The following SLCO3A1 variants were observed in gnomAD, a reference collection of about 807,000 sequenced individuals.
SLCO3A1 encodes solute carrier organic anion transporter family member 3A1, also known as PGE1 transporter.
A neutral mutation model predicts 63.1 loss-of-function variants in SLCO3A1; 27 were observed. That is an observed-to-expected ratio of 0.43 (90% confidence interval 0.32 to 0.59). The LOEUF is 0.59. Ranked by LOEUF, SLCO3A1 falls within the 20% of genes least tolerant of loss-of-function variation. SLCO3A1 has a pLI of 0.09. For missense variants in SLCO3A1, 773 were observed against 945.8 expected (o/e 0.82, Z 2.40); for synonymous variants, 473 against 409.9 (o/e 1.15, Z -1.86).
chr15:92,084,853 T>C (rs74030469), intron 2 of SLCO3A1, among the ~76,000 whole-genome samples: 2,887 of 152,268 alleles, frequency 0.019, 90 homozygotes, highest in African/African-American at 0.066. Context: ...TGCACCACCA[T>C]AGCCAGCCAG....
At chr15:92,029,943 C>G (rs1231045710) in intron 2 of SLCO3A1, among the ~76,000 whole-genome samples, 3 of 152,126 alleles carry the variant, frequency 2.0e-5, no homozygotes, top group Non-Finnish European at 4.4e-5. Context: ...TACCTCGGAG[C>G]TGCTAAGAAT....
At chr15:91,984,127 G>A (rs1289590391) in intron 2 of SLCO3A1, among the ~76,000 whole-genome samples, 1 of 152,138 alleles carries the variant, frequency 6.6e-6, no homozygotes, top group East Asian at 1.9e-4. Context: ...TGAGGAGAGG[G>A]GTTTGTGCTT....
intron 1 of SLCO3A1, among the ~76,000 whole-genome samples, chr15:91,904,330 G>A (rs938473874): frequency 3.3e-5 from 5 of 152,196 alleles, no homozygotes; most frequent in South Asian, 2.1e-4. Context: ...CTGGGGGAGC[G>A]AGACCAAGTA....
At chr15:92,000,538 A>AG (rs11453639) in intron 2 of SLCO3A1, among the ~76,000 whole-genome samples, 57,849 of 151,870 alleles carry the variant, frequency 0.38, 11,291 homozygotes, top group African/African-American at 0.44. Context: ...TGTTGAATGC[A>AG]GAAAAAAAAG....
chr15:92,018,459 C>T (rs996263315), intron 2 of SLCO3A1, among the ~76,000 whole-genome samples: 1 of 152,200 alleles, frequency 6.6e-6, no homozygotes, highest in Non-Finnish European at 1.5e-5. Flanking sequence ...ACCCCACCAG[C>T]ATCTCTCATG....
chr15:92,043,878 C>A (rs1543167), intron 2 of SLCO3A1, among the ~76,000 whole-genome samples: 2 of 151,474 alleles, frequency 1.3e-5, no homozygotes, highest in Non-Finnish European at 2.9e-5. Flanking sequence ...GCACCTGTTC[C>A]TGCCTCCCTC....
intron 2 of SLCO3A1, among the ~76,000 whole-genome samples, chr15:92,025,685 C>G (rs1393799535): frequency 2.0e-5 from 3 of 152,330 alleles, no homozygotes; most frequent in South Asian, 2.1e-4. Context: ...CAACCATTCC[C>G]GTAGCTGTCT....
intron 2 of SLCO3A1, among the ~76,000 whole-genome samples, chr15:92,015,534 C>G (rs956412964): frequency 6.6e-6 from 1 of 152,098 alleles, no homozygotes; most frequent in African/African-American, 2.4e-5. Flanking sequence ...AGGTCTCTCC[C>G]TTGACACATG....
rs995939301 is a variant in SLCO3A1, at chr15:91,862,839, A to G, written c.180+8751A>G. 2.0e-5 allele frequency among the ~76,000 whole-genome samples: 3 copies of G among 152,214 alleles called. No homozygotes were observed. The highest frequency in any genetic ancestry group is 4.4e-5 in the Non-Finnish European group (3 of 68,026). On this transcript the variant is annotated intron_variant, in intron 1 of 9. Transcript: ENST00000318445. This position sits in a 1 kb window ranked among gnomAD's most constrained non-coding sequence, Gnocchi z 4.0. ...GAGAAGTGTCACAATGATGTTTTTCATTTAAAGACTACTGTAAAATATTAA... is the reference window on the plus strand; with the variant it reads ...GAGAAGTGTCACAATGATGTTTTTCGTTTAAAGACTACTGTAAAATATTAA...
At chr15:92,032,571 TG>T (rs1371578269) in intron 2 of SLCO3A1, among the ~76,000 whole-genome samples, 1 of 152,212 alleles carries the variant, frequency 6.6e-6, no homozygotes, top group Non-Finnish European at 1.5e-5. Flanking sequence ...CAGATTTTAC[TG>T]TGCATGTAAT....
intron 2 of SLCO3A1, among the ~76,000 whole-genome samples, chr15:91,974,072 C>T (rs537769288): frequency 6.6e-6 from 1 of 151,982 alleles, no homozygotes; most frequent in East Asian, 1.9e-4. Context: ...GAGAGAGTGT[C>T]CCTGGACCTA....
At chr15:91,945,072 A>C (rs534759772) in intron 2 of SLCO3A1, among the ~76,000 whole-genome samples, 3 of 152,280 alleles carry the variant, frequency 2.0e-5, no homozygotes, top group Non-Finnish European at 4.4e-5. Flanking sequence ...TTGGTTGGGC[A>C]TGGTGGCTCA....
Position 92,164,765 on chromosome 15 carries a change from G to C in SLCO3A1, c.*1630G>C, listed in dbSNP as rs1487174959. The C allele has an allele frequency of 1.0e-6, 1 of 985,408 alleles. No individual in the cohort carries two copies. The highest frequency in any genetic ancestry group is 1.2e-6 in the Non-Finnish European group (1 of 829,934). 61.0% of individuals were successfully genotyped at this position (985,408 alleles called of 1,614,324 possible). A position where few individuals can be genotyped will look rare whatever the true frequency, so the allele number is the denominator to read the frequency against. ...GAACCTCAGAGAATGAACCTGTTATGATTTGGGGTAAGAATCACGTTGGAA... is the reference window on the plus strand; with the variant it reads ...GAACCTCAGAGAATGAACCTGTTATCATTTGGGGTAAGAATCACGTTGGAA... On this transcript the variant is annotated 3_prime_UTR_variant, in exon 10 of 10. Coordinates refer to ENST00000318445, the MANE Select transcript of SLCO3A1 (RefSeq NM_013272.4).
chr15:92,080,905 T>C (rs1433325020), intron 2 of SLCO3A1, among the ~76,000 whole-genome samples: 1 of 151,226 alleles, frequency 6.6e-6, no homozygotes, highest in East Asian at 1.9e-4. Flanking sequence ...CGGGGGAAGG[T>C]AGGTATTTTT....
intron 3 of SLCO3A1, among the ~76,000 whole-genome samples, chr15:92,097,350 A>G (rs1429826973): frequency 6.6e-6 from 1 of 152,234 alleles, no homozygotes; most frequent in East Asian, 1.9e-4. Flanking sequence ...TCTTAGGAGA[A>G]TGAAACAGCA....
chr15:91,916,718 G>A lies in SLCO3A1; in HGVS notation c.646+260G>A, dbSNP rs1196764293. Reference sequence around the variant, plus strand: ...TAACACCGCTTCAGTGGGAAAACATGATCGGGAGGAGTTGTATGTTTATCT... The same window carrying A: ...TAACACCGCTTCAGTGGGAAAACATAATCGGGAGGAGTTGTATGTTTATCT... On this transcript the variant is annotated intron_variant, in intron 2 of 9. Coordinates refer to ENST00000318445, the MANE Select transcript of SLCO3A1 (RefSeq NM_013272.4). The surrounding 1 kb of genome is among the most constrained non-coding windows in gnomAD (Gnocchi z 6.2). Among the ~76,000 whole-genome samples, 1 of 152,232 alleles carries A rather than the reference G, an allele frequency of 6.6e-6. No individual in the cohort carries two copies. The highest frequency in any genetic ancestry group is 1.5e-5 in the Non-Finnish European group (1 of 68,042).
rs2048464319 is a variant in SLCO3A1 at position 92,163,355 on chromosome 15, G to C, written c.*220G>C. ...AATGACATCGTGCGGCAGGGTCCTG[G>C]AGGCCACTTGCGCGGCTGGGCCACA... On this transcript the variant is annotated 3_prime_UTR_variant, in exon 10 of 10. Transcript: ENST00000318445. The C allele has an allele frequency of 5.0e-6, 6 of 1,193,812 alleles. No homozygotes were observed. The allele number at this position is 1,193,812 out of a possible 1,614,324, so 74.0% of individuals were successfully genotyped here.
chr15:91,876,270 G>A (rs1275522884), intron 1 of SLCO3A1, among the ~76,000 whole-genome samples: 4 of 152,228 alleles, frequency 2.6e-5, no homozygotes, highest in African/African-American at 7.2e-5. Flanking sequence ...AGGACCAAAT[G>A]AGATAAAGTG....
intron 6 of SLCO3A1, among the ~76,000 whole-genome samples, chr15:92,127,192 G>A (rs573593557): frequency 2.2e-4 from 34 of 152,306 alleles, no homozygotes; most frequent in African/African-American, 7.9e-4. Context: ...GCCCCAGCCT[G>A]GCCCCGACTT....
Sources: allele counts gnomAD v4.1 joint callset (sites outside exome capture counted in the v4.1 genomes callset), GRCh38; gene constraint gnomAD v4.1.1; non-coding constraint Gnocchi (gnomAD v3.1); transcripts MANE v1.5; gene names NCBI Gene and HGNC (gene_info 2026-07-23, HGNC 2026-07-21).